HYDIN: variants seen among roughly 807,000 people sequenced by gnomAD.
HYDIN encodes the protein HYDIN axonemal central pair apparatus protein, also known as axonemal central pair apparatus protein HYDIN.
HYDIN carries 132 observed loss-of-function variants against 403.9 expected under a neutral mutation model. The observed-to-expected ratio is 0.33, with a 90% CI of 0.28 to 0.38. The LOEUF (loss-of-function observed/expected upper bound fraction) is 0.38. Among genes scored for constraint, HYDIN ranks in the 10% least tolerant of loss-of-function variants. The probability of loss-of-function intolerance (pLI) is 1.00; values close to 1 mark genes in which losing one functional copy is unlikely to be tolerated. For missense variants in HYDIN, 2,827 were observed against 5,009.5 expected (o/e 0.56, Z 13.15); for synonymous variants, 1,202 against 1,891.7 (o/e 0.64, Z 9.46).
chr16:71,151,305 A>C (rs1953582651), intron 7 of HYDIN, among the ~76,000 whole-genome samples: 1 of 152,034 alleles, frequency 6.6e-6, no homozygotes. Flanking sequence ...TCTGCTGAGC[A>C]ATGTGGAGCT....
Position 70,886,784 on chromosome 16 carries a change from T to C in HYDIN, c.9775-2660A>G, listed in dbSNP as rs532443244. Among the ~76,000 whole-genome samples the C allele has an allele frequency of 2.6e-5, 4 of 152,360 alleles. No individual in the cohort carries two copies. In the East Asian group the frequency reaches 5.8e-4, roughly 22 times the overall value. ...GGTTTTTGTAAGAAATCTGCTGTCA[T>C]TCAAGGTTCATTTCTCTCTTGATGT... On this transcript the variant is annotated intron_variant, in intron 58 of 85. Transcript: ENST00000393567.
chr16:70,919,513 C>T lies in HYDIN; in HGVS notation c.7785+1078G>A, dbSNP rs2487954. Among the ~76,000 whole-genome samples the T allele has an allele frequency of 7.2e-3, 1,101 of 152,226 alleles. 7 individuals are homozygous for T. Among genetic ancestry groups the T allele is most frequent in the Non-Finnish European group, 0.012 (820 of 68,000 alleles). On this transcript the variant is annotated intron_variant, in intron 46 of 85. Coordinates refer to ENST00000393567, the MANE Select transcript of HYDIN (RefSeq NM_001270974.2). ...GAAGTCACATGGATTGCAGGGATGA[C>T]TCTGATCCTCCCGTCATCCCTGACC...
intron 12 of HYDIN, among the ~76,000 whole-genome samples, chr16:71,084,410 A>C (rs1713245797): frequency 7.3e-6 from 1 of 136,144 alleles, no homozygotes; most frequent in Non-Finnish European, 1.5e-5. Context: ...TTTTTGAGAC[A>C]GAGTCTCACT....
intron 6 of HYDIN, among the ~76,000 whole-genome samples, chr16:71,156,218 G>A (rs1418944450): frequency 7.2e-5 from 11 of 152,124 alleles, no homozygotes; most frequent in Admixed American, 1.3e-4. Context: ...CAAGTTCCAC[G>A]GAGTGGTAAG....
intron 12 of HYDIN, among the ~76,000 whole-genome samples, chr16:71,081,140 C>T (rs2082773917): frequency 6.6e-6 from 1 of 152,020 alleles, no homozygotes; most frequent in Non-Finnish European, 1.5e-5. Flanking sequence ...GTTACAACAG[C>T]AAAAGAAAAC....
chr16:71,017,494 G>A (rs943304310), intron 23 of HYDIN, among the ~76,000 whole-genome samples: 1 of 152,146 alleles, frequency 6.6e-6, no homozygotes, highest in African/African-American at 2.4e-5. Flanking sequence ...GTAGAACTGT[G>A]AGTCAATTAA....
In HYDIN at chr16:70,803,545, A is replaced by G. The variant is rs2034984191; in HGVS notation, c.*4035T>C. 6.6e-6 allele frequency among the ~76,000 whole-genome samples: 1 copy of G among 152,222 alleles called. No individual in the cohort carries two copies. Among genetic ancestry groups the G allele is most frequent in the Admixed American group, 6.5e-5 (1 of 15,284 alleles). On this transcript the variant is annotated 3_prime_UTR_variant, in exon 86 of 86. Coordinates refer to ENST00000393567, the MANE Select transcript of HYDIN (RefSeq NM_001270974.2). The stretch of plus-strand genomic sequence containing the variant: ...TGTGATGCTTGGTTGTTATGCTAGA[A>G]CTTGTAATAGTTCTGTAACAACTAT...
intron 23 of HYDIN, among the ~76,000 whole-genome samples, chr16:70,995,720 G>A (rs573607316): frequency 2.0e-4 from 31 of 152,236 alleles, no homozygotes; most frequent in Admixed American, 1.8e-3. Context: ...GTGTAGTCTT[G>A]TGGGAAAAGG....
intron 10 of HYDIN, among the ~76,000 whole-genome samples, chr16:71,103,823 T>C (rs1354616839): frequency 1.3e-5 from 2 of 152,174 alleles, no homozygotes; most frequent in East Asian, 3.8e-4. Flanking sequence ...ATTAAATCTA[T>C]AGATGAATTT....
chr16:71,021,641 G>T (rs1444448262), intron 21 of HYDIN, among the ~76,000 whole-genome samples: 1 of 151,906 alleles, frequency 6.6e-6, no homozygotes, highest in Non-Finnish European at 1.5e-5. Flanking sequence ...CTAGAAAGAG[G>T]GTTCTTTAGT....
At position 71,230,638 on chromosome 16, in the gene HYDIN, C is replaced by T; in HGVS notation, c.-100G>A. 1 of 1,536,102 alleles carries T rather than the reference C, an allele frequency of 6.5e-7. No homozygotes were observed. Among genetic ancestry groups the T allele is most frequent in the Non-Finnish European group, 8.7e-7 (1 of 1,146,872 alleles). ...CCCCGCGTCCAACTCACAGACCCCG[C>T]CGCCGCTGAGGGGCTCCATACCCAG... On this transcript the variant is annotated 5_prime_UTR_variant, in exon 1 of 86. Coordinates refer to ENST00000393567, the MANE Select transcript of HYDIN (RefSeq NM_001270974.2).
chr16:70,902,821 A>ATATATATTT, intron 52 of HYDIN, among the ~76,000 whole-genome samples: 6 of 47,310 alleles, frequency 1.3e-4, no homozygotes, highest in African/African-American at 2.3e-4. Context: ...ATATATATAT[A>ATATATATTT]TTTTTTTTTT....
At chr16:71,062,093 CCTCAAATGAGAAAG>C (rs1431180182) in intron 17 of HYDIN, 62 bp downstream of exon 17, 2 of 1,134,658 alleles carry the variant, frequency 1.8e-6, no homozygotes, top group African/African-American at 3.1e-5. Context: ...ATGGTGTGGG[CCTCAAATGAGAAAG>C]CTCAAAATGT....
chr16:71,189,955 A>C (rs1025882760), intron 1 of HYDIN, among the ~76,000 whole-genome samples: 1 of 152,166 alleles, frequency 6.6e-6, no homozygotes, highest in African/African-American at 2.4e-5. Flanking sequence ...CAAGCATTTC[A>C]GTATTTTTAA....
intron 8 of HYDIN, among the ~76,000 whole-genome samples, chr16:71,135,304 A>C (rs2084874244): frequency 6.6e-6 from 1 of 151,716 alleles, no homozygotes; most frequent in Non-Finnish European, 1.5e-5. Flanking sequence ...GGGGAGGTGA[A>C]GTGGGGAAAA....
chr16:70,917,982 A>G (rs2076892017), intron 47 of HYDIN, among the ~76,000 whole-genome samples: 1 of 151,890 alleles, frequency 6.6e-6, no homozygotes, highest in Non-Finnish European at 1.5e-5. Context: ...AGAATCAATC[A>G]TTATCCGTTT....
In HYDIN at chr16:70,942,928, T is replaced by C. The variant is rs375380595; in HGVS notation, c.6669+884A>G. 3.9e-3 allele frequency among the ~76,000 whole-genome samples: 594 copies of C among 152,240 alleles called. No homozygotes were observed. In the Middle Eastern group the frequency reaches 0.041, roughly 10 times the overall value. ...TTGGCACACTTATGGGAACACCTTG[T>C]TCAAATCAGTTGAAAGTGATGTACC... On this transcript the variant is annotated intron_variant, in intron 42 of 85. Transcript: ENST00000393567.
In HYDIN at chr16:71,106,070, A is replaced by G. The variant is rs573025763; in HGVS notation, c.1327+9626T>C. 2.3e-4 allele frequency among the ~76,000 whole-genome samples: 35 copies of G among 152,200 alleles called. 1 individual carries two copies. In the East Asian group the frequency reaches 6.8e-3, roughly 29 times the overall value. On this transcript the variant is annotated intron_variant, in intron 10 of 85. Transcript: ENST00000393567. ...AGTGACTGCCAGCTGTACTCAGCAG[A>G]AAGTCCAATGTCCTTAGGCTGGCAT...
At chr16:71,190,407 A>C (rs1048923731) in intron 1 of HYDIN, among the ~76,000 whole-genome samples, 1 of 152,048 alleles carries the variant, frequency 6.6e-6, no homozygotes, top group African/African-American at 2.4e-5. Context: ...TGATACTTTA[A>C]AAAAATAATT....
Sources: gnomAD v4.1 joint callset for allele counts (sites outside exome capture counted in the v4.1 genomes callset) on GRCh38, gnomAD v4.1.1 for gene constraint, MANE v1.5 for transcripts, NCBI Gene and HGNC (gene_info 2026-07-23, HGNC 2026-07-21) for gene names.